MED12L: variants seen among roughly 807,000 people sequenced by gnomAD.
MED12L encodes the protein mediator complex subunit 12L.
MED12L carries 60 observed loss-of-function variants against 281.3 expected under a neutral mutation model. The ratio of observed to expected loss-of-function variants is 0.21; its 90% CI spans 0.17 to 0.26. The LOEUF (loss-of-function observed/expected upper bound fraction) is 0.26, where lower values mean the gene tolerates loss of function less well. Ranked by LOEUF, MED12L falls within the 10% of genes least tolerant of loss-of-function variation. The probability of loss-of-function intolerance (pLI) is 1.00; values close to 1 mark genes in which losing one functional copy is unlikely to be tolerated. For synonymous variants in MED12L, 974 were observed against 987.2 expected, an observed-to-expected ratio of 0.99 and a Z score of 0.25; for missense variants, 2,146 against 2,680.9, an observed-to-expected ratio of 0.80 and a Z score of 4.41.
chr3:151,114,699 T>C (rs1336672217), intron 2 of MED12L, among the ~76,000 whole-genome samples: 1 of 152,112 alleles, frequency 6.6e-6, no homozygotes, highest in Non-Finnish European at 1.5e-5. Context: ...GGTCTGTATT[T>C]TAGGAACTCT....
intron 8 of MED12L, 144 bp downstream of exon 8, chr3:151,160,245 GT>G: frequency 1.3e-6 from 1 of 773,760 alleles, no homozygotes; most frequent in Non-Finnish European, 2.0e-6. Context: ...GAAATTTTAT[GT>G]TTTTATTTCC....
chr3:151,390,032 C>T lies in MED12L; in HGVS notation c.5505C>T (p.Ser1835=), dbSNP rs780292240. ...TGCCTCCTAATTACTCGCCTATCTC[C>T]TCCCAAATGATGCACCATCCACAGT... The part of the protein sequence containing the change: ...YRVPPNYSPI[S]SQMMHHPQST... The change falls in exon 38 of 45, where the codon TCC becomes TCT. Residue 1835 remains serine (S), a synonymous_variant. Transcript: ENST00000687756. 1.2e-6 allele frequency: 2 copies of T among 1,614,128 alleles called. No homozygotes were observed. Among genetic ancestry groups the T allele is most frequent in the East Asian group, 4.5e-5 (2 of 44,882 alleles).
chr3:151,351,720 A>G (rs1313776449), intron 17 of MED12L, among the ~76,000 whole-genome samples: 2 of 152,182 alleles, frequency 1.3e-5, no homozygotes, highest in Non-Finnish European at 2.9e-5. Context: ...TTCGTAATAC[A>G]TATTTTATCT....
intron 40 of MED12L, among the ~76,000 whole-genome samples, chr3:151,409,764 C>T (rs1159711747): frequency 6.6e-6 from 1 of 151,982 alleles, no homozygotes; most frequent in Non-Finnish European, 1.5e-5. Flanking sequence ...TGAGACCAGC[C>T]TGGGTAACAT....
rs563632804 is a variant in MED12L at position 151,343,306 on chromosome 3, A to G, written c.2251-6753A>G. On this transcript the variant is annotated intron_variant, in intron 16 of 44. Transcript: ENST00000687756. ...ATTACTAATTCAGAATACTTAAGTC[A>G]TACTACCTTATTGAGAATTTATATT... is the stretch of plus-strand genomic sequence containing the variant. 2.6e-5 allele frequency among the ~76,000 whole-genome samples: 4 copies of G among 152,334 alleles called. No individual in the cohort carries two copies. In the South Asian group the frequency reaches 6.2e-4, roughly 24 times the overall value.
chr3:151,174,083 C>A (rs1269774282), intron 11 of MED12L, among the ~76,000 whole-genome samples: 3 of 152,152 alleles, frequency 2.0e-5, no homozygotes, highest in African/African-American at 7.2e-5. Flanking sequence ...TATATACTTA[C>A]CAGTTGAGCA....
chr3:151,149,834 C>A lies in MED12L; in HGVS notation c.557-6327C>A, dbSNP rs573012789. ...CAGGAGTAGATTCCATCTGAAGAAACCACTTTGTTTGCTCATTTATGAGAG... is the reference window on the plus strand; with the variant it reads ...CAGGAGTAGATTCCATCTGAAGAAAACACTTTGTTTGCTCATTTATGAGAG... On this transcript the variant is annotated intron_variant, in intron 5 of 44. Coordinates refer to ENST00000687756, the MANE Select transcript of MED12L (RefSeq NM_001393769.1). Among the ~76,000 whole-genome samples, 4 of 152,310 alleles carry A rather than the reference C, an allele frequency of 2.6e-5. No homozygotes were observed. In the East Asian group the frequency reaches 7.7e-4, roughly 29 times the overall value.
At chr3:151,360,924 C>T in intron 21 of MED12L, among the ~76,000 whole-genome samples, 1 of 152,006 alleles carries the variant, frequency 6.6e-6, no homozygotes. Flanking sequence ...GTTGTACAGA[C>T]AGTGCATTTT....
At chr3:151,171,348 G>T (rs1030310181) in intron 11 of MED12L, among the ~76,000 whole-genome samples, 4 of 152,112 alleles carry the variant, frequency 2.6e-5, no homozygotes, top group Non-Finnish European at 5.9e-5. Flanking sequence ...TCTCTGTTTG[G>T]GATGAGTGTG....
chr3:151,230,323 A>G (rs1464129050), intron 16 of MED12L, among the ~76,000 whole-genome samples: 4 of 152,192 alleles, frequency 2.6e-5, no homozygotes, highest in African/African-American at 7.2e-5. Flanking sequence ...TCCACTTGTG[A>G]TATTTCACCT....
chr3:151,224,135 AT>A (rs11287215), intron 16 of MED12L, among the ~76,000 whole-genome samples: 47,146 of 152,146 alleles, frequency 0.31, 7,392 homozygotes, highest in Non-Finnish European at 0.33. Context: ...AGAAATATCT[AT>A]GGAGAATGGA....
intron 11 of MED12L, among the ~76,000 whole-genome samples, chr3:151,167,490 CT>C: frequency 6.6e-6 from 1 of 152,328 alleles, no homozygotes; most frequent in South Asian, 2.1e-4. Flanking sequence ...CATCAAAAAC[CT>C]TTCCTTCTCT....
chr3:151,406,333 G>A (rs1056553852), intron 39 of MED12L, among the ~76,000 whole-genome samples: 2 of 152,170 alleles, frequency 1.3e-5, no homozygotes, highest in South Asian at 4.1e-4. Context: ...TAATTGAACT[G>A]TTTCTACAAA....
At chr3:151,154,601 T>C (rs1028424730) in intron 5 of MED12L, among the ~76,000 whole-genome samples, 4 of 152,224 alleles carry the variant, frequency 2.6e-5, no homozygotes, top group Non-Finnish European at 5.9e-5. Flanking sequence ...GGCTAAAATA[T>C]TCAGTGGGGA....
intron 5 of MED12L, among the ~76,000 whole-genome samples, chr3:151,138,697 GT>G (rs1560085067): frequency 6.6e-6 from 1 of 152,192 alleles, no homozygotes; most frequent in African/African-American, 2.4e-5. Context: ...TTAGACCAGG[GT>G]TACAGAAGTC....
intron 7 of MED12L, 110 bp from the exon 8 acceptor site, chr3:151,159,722 C>T (rs766124662): frequency 2.8e-6 from 3 of 1,068,728 alleles, no homozygotes; most frequent in Non-Finnish European, 4.1e-6. Flanking sequence ...TTGCTTTATA[C>T]CTTTGAAGTT....
chr3:151,426,560 T>G (rs1248562050), intron 43 of MED12L, among the ~76,000 whole-genome samples: 1 of 152,200 alleles, frequency 6.6e-6, no homozygotes, highest in African/African-American at 2.4e-5. Context: ...ATTGTAGATA[T>G]AGATCATGTA....
chr3:151,177,745 G>T (rs187052325), intron 11 of MED12L, among the ~76,000 whole-genome samples: 1 of 151,892 alleles, frequency 6.6e-6, no homozygotes, highest in Non-Finnish European at 1.5e-5. Context: ...GTTCCTGCTC[G>T]GCTTCCCAAA....
At chr3:151,251,458 T>C (rs1339880901) in intron 16 of MED12L, among the ~76,000 whole-genome samples, 2 of 152,152 alleles carry the variant, frequency 1.3e-5, no homozygotes, top group Non-Finnish European at 2.9e-5. Context: ...CTGTGTTCCC[T>C]GCCTTCAATC....
Sources: allele counts gnomAD v4.1 joint callset (sites outside exome capture counted in the v4.1 genomes callset), GRCh38; gene constraint gnomAD v4.1.1; transcripts MANE v1.5; gene names NCBI Gene and HGNC (gene_info 2026-07-23, HGNC 2026-07-21).